SSC4D: variants seen among roughly 807,000 people sequenced by gnomAD.
SSC4D encodes scavenger receptor cysteine-rich domain-containing group B protein.
In SSC4D, 57 loss-of-function variants were observed where a neutral mutation model predicts 63.4. The ratio of observed to expected loss-of-function variants is 0.90; its 90% CI spans 0.73 to 1.12. The LOEUF (loss-of-function observed/expected upper bound fraction) is 1.12, where lower values mean the gene tolerates loss of function less well. Ranked by LOEUF, SSC4D falls within the 50% of genes most tolerant of loss-of-function variation. SSC4D has a pLI of 0.00. For synonymous variants in SSC4D, 352 were observed against 345.4 expected, an observed-to-expected ratio of 1.02 and a Z score of -0.21; for missense variants, 791 against 806.4, an observed-to-expected ratio of 0.98 and a Z score of 0.23.
At chr7:76,406,844 G>A (rs932885833) in intron 1 of SSC4D, among the ~76,000 whole-genome samples, 26 of 151,472 alleles carry the variant, frequency 1.7e-4, no homozygotes, top group African/African-American at 5.1e-4. Flanking sequence ...TGTAAGCAGC[G>A]TTTAGTCTCT....
chr7:76,409,323 TCACACA>T (rs3081030), intron 1 of SSC4D, 85 bp downstream of exon 1: 19,366 of 146,396 alleles, frequency 0.13, 1,825 homozygotes, highest in African/African-American at 0.28. Flanking sequence ...TCTCTCTGTC[TCACACA>T]CACACACACA....
intron 4 of SSC4D, among the ~76,000 whole-genome samples, chr7:76,399,741 C>T (rs765844732): frequency 1.6e-4 from 24 of 152,130 alleles, no homozygotes; most frequent in Non-Finnish European, 3.4e-4. Flanking sequence ...CCAAGATGGT[C>T]TCAAACTCCT....
chr7:76,394,768 T>TATATATATATATATATATATATATATAA (rs1554621451), intron 7 of SSC4D, among the ~76,000 whole-genome samples: 3 of 122,132 alleles, frequency 2.5e-5, no homozygotes, highest in African/African-American at 1.0e-4. Flanking sequence ...TATATATATA[T>TATATATATATATATATATATATATATAA]AAAATATGTA....
At chr7:76,406,377 T>A (rs1412158860) in intron 1 of SSC4D, among the ~76,000 whole-genome samples, 1 of 152,210 alleles carries the variant, frequency 6.6e-6, no homozygotes, top group African/African-American at 2.4e-5. Flanking sequence ...TAATTCTTTT[T>A]AAATTGTACA....
intron 5 of SSC4D, among the ~76,000 whole-genome samples, chr7:76,398,071 C>T (rs1029655838): frequency 6.6e-6 from 1 of 152,134 alleles, no homozygotes; most frequent in South Asian, 2.1e-4. Context: ...GACGTGCTGC[C>T]TTCTCATCTA....
rs1487048712 is a variant in SSC4D, at chr7:76,393,716, C to G, written c.1022G>C (p.Ser341Thr). ...TTAAWAAGKK[S>T]GRLRLVGGPG... Reference sequence around the variant, plus strand: ...GCCGCCCACCAGTCGCAGCCGTCCACCTGCGGGGCGCACAGGCCCGCGGCC... The same window carrying G: ...GCCGCCCACCAGTCGCAGCCGTCCAGCTGCGGGGCGCACAGGCCCGCGGCC... The change falls in exon 9 of 11, where the codon AGT (serine) becomes ACT (threonine). Residue 341 changes from serine to threonine, a missense_variant and splice_region_variant. Physicochemically the swap from Ser to Thr is moderately conservative, Grantham distance 58. Coordinates refer to ENST00000275560, the MANE Select transcript of SSC4D (RefSeq NM_080744.2). 2 of 1,389,660 alleles carry G rather than the reference C, an allele frequency of 1.4e-6. No homozygotes were observed. The highest frequency in any genetic ancestry group is 3.6e-5 in the Admixed American group (1 of 27,708). The allele number at this position is 1,389,660 out of a possible 1,614,324, so 86.1% of individuals were successfully genotyped here.
chr7:76,401,734 C>T (rs931973151), intron 2 of SSC4D, among the ~76,000 whole-genome samples: 4 of 152,072 alleles, frequency 2.6e-5, no homozygotes. Flanking sequence ...TTTTTCAATT[C>T]CCAGCTTGGA....
chr7:76,397,969 T>C (rs1251824634), intron 5 of SSC4D, 137 bp from the exon 6 acceptor site: 1 of 869,400 alleles, frequency 1.2e-6, no homozygotes, highest in East Asian at 2.8e-5. Flanking sequence ...ACCGCCTCCT[T>C]GGTCCAGACT....
intron 1 of SSC4D, among the ~76,000 whole-genome samples, chr7:76,404,823 A>G (rs1224631669): frequency 6.6e-6 from 1 of 151,926 alleles, no homozygotes. Flanking sequence ...TAATCCCAGC[A>G]CTTTGGGAGC....
chr7:76,400,974 G>T (rs999452728), intron 3 of SSC4D, 34 bp downstream of exon 3: 1 of 1,551,088 alleles, frequency 6.4e-7, no homozygotes, highest in Admixed American at 2.0e-5. Flanking sequence ...TGGCGGACAG[G>T]TGAGGGTGAG....
chr7:76,390,431 A>C, intron 10 of SSC4D, 56 bp from the exon 11 acceptor site: 2 of 1,491,694 alleles, frequency 1.3e-6, no homozygotes, highest in Non-Finnish European at 1.8e-6. Context: ...GCCACTCCCA[A>C]GCTAGGTCAG....
At position 76,397,767 on chromosome 7, in the gene SSC4D, T is replaced by G; in HGVS notation, c.619A>C (p.Ser207Arg). The G allele has an allele frequency of 6.2e-7, 1 of 1,612,640 alleles. No homozygotes were observed. ...LCQGRVEILHSGLWGTVCDDD... is the reference protein window; with the variant it reads ...LCQGRVEILHRGLWGTVCDDD... ...TCACACACGGTGCCCCACAGGCCAC[T>G]GTGCAGGATCTCCACTCGGCCCTGA... Residue 207 changes from serine (S) to arginine (R), a missense_variant, in exon 6 of 11, where the codon AGT becomes CGT. Physicochemically the swap from Ser to Arg is moderately radical, Grantham distance 110 (BLOSUM62 -1). Transcript: ENST00000275560.
intron 6 of SSC4D, among the ~76,000 whole-genome samples, chr7:76,396,969 T>C (rs1051446902): frequency 6.6e-6 from 1 of 152,174 alleles, no homozygotes; most frequent in Non-Finnish European, 1.5e-5. Flanking sequence ...CCGAGTGTTA[T>C]CCTAGAGTGT....
At chr7:76,398,465 T>C (rs891145996) in intron 5 of SSC4D, among the ~76,000 whole-genome samples, 15 of 151,876 alleles carry the variant, frequency 9.9e-5, no homozygotes, top group African/African-American at 3.6e-4. Flanking sequence ...CCACCACGCC[T>C]GGCTAATTTT....
In SSC4D at chr7:76,405,283, A is replaced by ATATATATG. The variant is rs1554622669; in HGVS notation, c.-66-779_-66-778insCATATATA. Reference sequence around the variant, plus strand: ...CACACCCAGCTAATTATATATATATATATATATATATATATATATATATAT... The same window carrying ATATATATG: ...CACACCCAGCTAATTATATATATATATATATATGTATATATATATATATATATATATAT... On this transcript the variant is annotated intron_variant, in intron 1 of 10. Transcript: ENST00000275560. Among the ~76,000 whole-genome samples, 7 of 32,268 alleles carry ATATATATG rather than the reference A, an allele frequency of 2.2e-4. 1 individual carries two copies. Among genetic ancestry groups the ATATATATG allele is most frequent in the African/African-American group, 4.3e-4 (2 of 4,686 alleles). The allele number at this position is 32,268 out of a possible 152,430, so 21.2% of individuals were successfully genotyped here.
intron 4 of SSC4D, among the ~76,000 whole-genome samples, chr7:76,399,857 C>T (rs958685866): frequency 6.6e-6 from 1 of 151,908 alleles, no homozygotes; most frequent in Non-Finnish European, 1.5e-5. Flanking sequence ...AGAGGGGAAC[C>T]AGTGGGGTGA....
intron 5 of SSC4D, 60 bp from the exon 6 acceptor site, chr7:76,397,892 C>T: frequency 6.9e-7 from 1 of 1,440,398 alleles, no homozygotes; most frequent in Middle Eastern, 2.0e-4. Flanking sequence ...CCGTCCGCAC[C>T]GCAAGGGCAG....
intron 1 of SSC4D, among the ~76,000 whole-genome samples, chr7:76,405,302 T>TATATATATAC (rs1323239759): frequency 1.2e-4 from 7 of 58,364 alleles, no homozygotes; most frequent in Non-Finnish European, 1.6e-4. Flanking sequence ...TATATATATA[T>TATATATATAC]ATATATATAT....
rs971233593 is a variant in SSC4D, at chr7:76,393,160, A to T, written c.1333+245T>A. ...CTGACCTTCGGACACCGCCCCTCACAGCTGCACCACGCGGCGCTCACCAGG... is the reference window on the plus strand; with the variant it reads ...CTGACCTTCGGACACCGCCCCTCACTGCTGCACCACGCGGCGCTCACCAGG... On this transcript the variant is annotated intron_variant, in intron 9 of 10. Coordinates refer to ENST00000275560, the MANE Select transcript of SSC4D (RefSeq NM_080744.2). 2.6e-5 allele frequency among the ~76,000 whole-genome samples: 4 copies of T among 152,034 alleles called. No individual in the cohort carries two copies. The South Asian group carries it at 6.2e-4, about 24-fold the overall frequency.
Sources: allele counts gnomAD v4.1 joint callset (sites outside exome capture counted in the v4.1 genomes callset), GRCh38; gene constraint gnomAD v4.1.1; transcripts MANE v1.5; gene names NCBI Gene and HGNC (gene_info 2026-07-23, HGNC 2026-07-21).